ATRNL1: variants seen among roughly 807,000 people sequenced by gnomAD.
ATRNL1 encodes the protein attractin like 1.
A neutral mutation model predicts 182.7 loss-of-function variants in ATRNL1; 95 were observed. That is an observed-to-expected ratio of 0.52 (90% CI 0.44 to 0.62). ATRNL1 has a LOEUF of 0.62. Among genes scored for constraint, ATRNL1 ranks in the 20% least tolerant of loss-of-function variants. ATRNL1 has a pLI of 0.00. For synonymous variants in ATRNL1, 576 were observed against 568.3 expected, an observed-to-expected ratio of 1.01 and a Z score of -0.19; for missense variants, 1,471 against 1,679.5, an observed-to-expected ratio of 0.88 and a Z score of 2.17.
At chr10:115,918,157 A>AG (rs11452732) in intron 28 of ATRNL1, among the ~76,000 whole-genome samples, 149,280 of 149,290 alleles carry the variant, frequency 1, 74,635 homozygotes, top group Middle Eastern at 1. Context: ...GCTGGAGTGT[A>AG]TTACACGATC....
At chr10:115,154,360 T>C (rs1846394091) in intron 5 of ATRNL1, among the ~76,000 whole-genome samples, 1 of 152,082 alleles carries the variant, frequency 6.6e-6, no homozygotes, top group Non-Finnish European at 1.5e-5. Flanking sequence ...TCTTTGTAAG[T>C]CTCTAAGGAC....
chr10:115,557,442 A>G (rs782014765), intron 26 of ATRNL1, among the ~76,000 whole-genome samples: 5 of 152,166 alleles, frequency 3.3e-5, no homozygotes, highest in Admixed American at 3.3e-4. Context: ...GCAGCTACCA[A>G]TGAAGGTGGA....
chr10:115,421,156 A>G lies in ATRNL1; in HGVS notation c.3270-5094A>G, dbSNP rs565507791. Among the ~76,000 whole-genome samples, 7 of 152,292 alleles carry G rather than the reference A, an allele frequency of 4.6e-5. No homozygotes were observed. The East Asian group carries it at 1.2e-3, about 25-fold the overall frequency. ...TACCAATTACTATCAAACTATTCCA[A>G]AAAATTGAAGTAGAGGGCATTCTTC... On this transcript the variant is annotated intron_variant, in intron 20 of 28. Coordinates refer to ENST00000355044, the MANE Select transcript of ATRNL1 (RefSeq NM_207303.4).
chr10:115,913,612 C>T (rs1952752409), intron 28 of ATRNL1, among the ~76,000 whole-genome samples: 1 of 152,262 alleles, frequency 6.6e-6, no homozygotes, highest in Non-Finnish European at 1.5e-5. Context: ...ATTACTACTA[C>T]TGCCTCTAAC....
intron 27 of ATRNL1, among the ~76,000 whole-genome samples, chr10:115,833,019 T>A (rs1950592577): frequency 6.6e-6 from 1 of 152,006 alleles, no homozygotes; most frequent in Non-Finnish European, 1.5e-5. Context: ...AAAAATTCCT[T>A]CAGGACATGT....
At chr10:115,876,658 T>C (rs1555107305) in intron 28 of ATRNL1, among the ~76,000 whole-genome samples, 1 of 152,192 alleles carries the variant, frequency 6.6e-6, no homozygotes, top group Non-Finnish European at 1.5e-5. Context: ...ATTTGATGAA[T>C]GAATGATTAC....
In ATRNL1 at chr10:115,160,165, G is replaced by T; in HGVS notation, c.955G>T (p.Val319Leu). 6.2e-7 allele frequency: 1 copy of T among 1,612,500 alleles called. No homozygotes were observed. Among genetic ancestry groups the T allele is most frequent in the Non-Finnish European group, 8.5e-7 (1 of 1,179,018 alleles). ...KAVLHGKFMW[V>L]IGGYTFNYSS... ...AGTTTTACACGGGAAATTTATGTGG[G>T]TGATTGGTGGATATACTTTTAACTA... The change falls in exon 6 of 29, where the codon GTG becomes TTG. Residue 319 changes from valine (V) to leucine (L), a missense_variant. Val to Leu is a conservative substitution (Grantham distance 32, BLOSUM62 1). Transcript: ENST00000355044.
intron 9 of ATRNL1, among the ~76,000 whole-genome samples, chr10:115,223,389 A>G (rs1849546976): frequency 6.6e-6 from 1 of 152,248 alleles, no homozygotes; most frequent in South Asian, 2.1e-4. Flanking sequence ...TCTGCTGCTT[A>G]GAAAAGATAA....
chr10:115,477,762 G>A (rs1182692243), intron 24 of ATRNL1, among the ~76,000 whole-genome samples: 14 of 151,660 alleles, frequency 9.2e-5, no homozygotes, highest in Admixed American at 4.0e-4. Context: ...CTATCCTTCT[G>A]AAATCAGCAT....
At chr10:115,825,017 A>G (rs1000172156) in intron 27 of ATRNL1, among the ~76,000 whole-genome samples, 55 of 152,348 alleles carry the variant, frequency 3.6e-4, no homozygotes, top group African/African-American at 1.3e-3. Flanking sequence ...TAAACTGTAT[A>G]AAGAAAATGT....
intron 8 of ATRNL1, among the ~76,000 whole-genome samples, chr10:115,177,096 C>T (rs1283737634): frequency 2.0e-5 from 3 of 152,060 alleles, no homozygotes; most frequent in East Asian, 1.9e-4. Context: ...AGGAAGAGTA[C>T]GGTGAAGTGT....
chr10:115,463,776 T>C (rs1262575072), intron 22 of ATRNL1, among the ~76,000 whole-genome samples: 3 of 152,092 alleles, frequency 2.0e-5, no homozygotes, highest in African/African-American at 7.2e-5. Flanking sequence ...ATCTGGCTTA[T>C]TTCATTTAGC....
chr10:115,545,290 C>T lies in ATRNL1; in HGVS notation c.3717-4168C>T, dbSNP rs556073520. 3.3e-4 allele frequency among the ~76,000 whole-genome samples: 49 copies of T among 146,320 alleles called. 1 individual carries two copies. The highest frequency in any genetic ancestry group is 2.9e-3 in the Admixed American group (43 of 14,640). ...CATTTATTTAGCAAAAATGTATTGACACCTACTATCTCCCAAGTAGTAACA... is the reference window on the plus strand; with the variant it reads ...CATTTATTTAGCAAAAATGTATTGATACCTACTATCTCCCAAGTAGTAACA... On this transcript the variant is annotated intron_variant, in intron 25 of 28. Coordinates refer to ENST00000355044, the MANE Select transcript of ATRNL1 (RefSeq NM_207303.4).
chr10:115,408,999 G>T (rs1351174225), intron 20 of ATRNL1, among the ~76,000 whole-genome samples: 1 of 152,104 alleles, frequency 6.6e-6, no homozygotes, highest in Non-Finnish European at 1.5e-5. Flanking sequence ...AAGTCTGGTA[G>T]TGTGATACCT....
At chr10:115,618,892 G>C (rs1857574406) in intron 26 of ATRNL1, among the ~76,000 whole-genome samples, 1 of 152,070 alleles carries the variant, frequency 6.6e-6, no homozygotes, top group Non-Finnish European at 1.5e-5. Context: ...TTGCTCTTTA[G>C]GGTTTTTTGT....
At chr10:115,382,787 C>T (rs566063911) in intron 19 of ATRNL1, among the ~76,000 whole-genome samples, 117 of 150,922 alleles carry the variant, frequency 7.8e-4, no homozygotes, top group Non-Finnish European at 1.5e-3. Flanking sequence ...ATGTCTCATT[C>T]CTGATTGCAG....
At chr10:115,471,363 G>A (rs1848303332) in intron 24 of ATRNL1, among the ~76,000 whole-genome samples, 1 of 150,908 alleles carries the variant, frequency 6.6e-6, no homozygotes, top group Non-Finnish European at 1.5e-5. Flanking sequence ...TATATCCCCA[G>A]TGGTGGGATT....
intron 26 of ATRNL1, among the ~76,000 whole-genome samples, chr10:115,589,876 G>T (rs1449141413): frequency 6.6e-6 from 1 of 152,120 alleles, no homozygotes; most frequent in African/African-American, 2.4e-5. Flanking sequence ...TACCAGTTTT[G>T]TCAGACAGTT....
chr10:115,148,191 A>G (rs1319249166), intron 5 of ATRNL1, among the ~76,000 whole-genome samples: 1 of 151,836 alleles, frequency 6.6e-6, no homozygotes, highest in Non-Finnish European at 1.5e-5. Context: ...ATTTCTAGGT[A>G]TTTTATTTTT....
Sources: gnomAD v4.1 joint callset for allele counts (sites outside exome capture counted in the v4.1 genomes callset) on GRCh38, gnomAD v4.1.1 for gene constraint, MANE v1.5 for transcripts, NCBI Gene and HGNC (gene_info 2026-07-23, HGNC 2026-07-21) for gene names.